The following PDZRN4 variants were observed in gnomAD, a reference collection of about 807,000 sequenced individuals.
PDZRN4 encodes PDZ domain-containing RING finger protein 4.
A neutral mutation model predicts 99.0 loss-of-function variants in PDZRN4; 70 were observed. That is an observed-to-expected ratio of 0.71 (90% CI 0.58 to 0.86). PDZRN4 has a LOEUF of 0.86. Ranked by LOEUF, PDZRN4 falls within the 40% of genes least tolerant of loss-of-function variation. PDZRN4 has a pLI of 0.00. For missense variants in PDZRN4, 1,474 were observed against 1,331.2 expected (o/e 1.11, Z -1.67); for synonymous variants, 551 against 501.6 (o/e 1.10, Z -1.32).
At chr12:41,358,894 T>C (rs949783760) in intron 3 of PDZRN4, among the ~76,000 whole-genome samples, 7 of 152,034 alleles carry the variant, frequency 4.6e-5, no homozygotes, top group African/African-American at 1.7e-4. Context: ...TTATTTTTTC[T>C]ACTGGGTTCC....
intron 3 of PDZRN4, among the ~76,000 whole-genome samples, chr12:41,382,311 ACCACAGGCTCTG>A (rs1952133791): frequency 6.6e-6 from 1 of 152,082 alleles, no homozygotes; most frequent in Non-Finnish European, 1.5e-5. Flanking sequence ...ATTGGGTGAG[ACCACAGGCTCTG>A]CCCTGTGTTT....
At position 41,188,376 on chromosome 12, in the gene PDZRN4, CG is replaced by C. The variant is rs1950707284; in HGVS notation, c.-75del. On this transcript the variant is annotated 5_prime_UTR_variant, in exon 1 of 10. Coordinates refer to ENST00000402685, the MANE Select transcript of PDZRN4 (RefSeq NM_001164595.2). ...TGCCGCCGCCGCGAGACGGCTGCCC[CG>C]GGGGTGGCCCGGGGAAGGCAGGGGG... is the stretch of plus-strand genomic sequence containing the variant. 3.0e-6 allele frequency: 4 copies of C among 1,352,174 alleles called. No individual in the cohort carries two copies. Among genetic ancestry groups the C allele is most frequent in the Middle Eastern group, 2.4e-4 (1 of 4,220 alleles). The allele number at this position is 1,352,174 out of a possible 1,614,324, so 83.8% of individuals were successfully genotyped here.
chr12:41,419,409 C>G (rs1952472397), intron 3 of PDZRN4, among the ~76,000 whole-genome samples: 1 of 152,144 alleles, frequency 6.6e-6, no homozygotes, highest in Non-Finnish European at 1.5e-5. Flanking sequence ...CCAAGTGCCC[C>G]TCAGACAGCT....
At chr12:41,253,261 A>ATGT (rs1265712140) in intron 3 of PDZRN4, among the ~76,000 whole-genome samples, 1 of 152,122 alleles carries the variant, frequency 6.6e-6, no homozygotes, top group East Asian at 1.9e-4. Flanking sequence ...ATATCCTGAA[A>ATGT]TGTTTCTCCC....
chr12:41,506,880 T>G (rs553200530), intron 4 of PDZRN4, among the ~76,000 whole-genome samples, 168 bp downstream of exon 4: 1 of 152,270 alleles, frequency 6.6e-6, no homozygotes, highest in Non-Finnish European at 1.5e-5. Flanking sequence ...TAGTTCTCAG[T>G]GGTCCCTGCT....
rs145702838 is a variant in PDZRN4 at position 41,277,961 on chromosome 12, G to A, written c.843+83773G>A. Among the ~76,000 whole-genome samples the A allele has an allele frequency of 8.1e-4, 123 of 152,214 alleles. 3 individuals are homozygous for A. Among genetic ancestry groups the A allele is most frequent in the African/African-American group, 2.8e-3 (117 of 41,530 alleles). On this transcript the variant is annotated intron_variant, in intron 3 of 9. Coordinates refer to ENST00000402685, the MANE Select transcript of PDZRN4 (RefSeq NM_001164595.2). ...ATATTAGTTAGACATTTTAGTCCTCGGCAAAGAATTTAAGGCTAATGGCCT... is the reference window on the plus strand; with the variant it reads ...ATATTAGTTAGACATTTTAGTCCTCAGCAAAGAATTTAAGGCTAATGGCCT...
At chr12:41,202,409 C>T (rs1794988943) in intron 3 of PDZRN4, among the ~76,000 whole-genome samples, 1 of 152,024 alleles carries the variant, frequency 6.6e-6, no homozygotes, top group African/African-American at 2.4e-5. Context: ...TGGAAACTTT[C>T]CCAGTCTTTT....
At chr12:41,226,093 T>C (rs1950992665) in intron 3 of PDZRN4, among the ~76,000 whole-genome samples, 1 of 151,976 alleles carries the variant, frequency 6.6e-6, no homozygotes, top group South Asian at 2.1e-4. Flanking sequence ...ATTTTTTTTT[T>C]AACACAAAGC....
intron 3 of PDZRN4, among the ~76,000 whole-genome samples, chr12:41,343,979 T>A (rs556509744): frequency 6.6e-6 from 1 of 152,212 alleles, no homozygotes; most frequent in South Asian, 2.1e-4. Context: ...TATCATAAAA[T>A]GTAATTATGT....
At chr12:41,477,793 G>C (rs140742302) in intron 3 of PDZRN4, 1 of 842,082 alleles carries the variant, frequency 1.2e-6, no homozygotes, top group Non-Finnish European at 1.9e-6. Context: ...GCCCACAGGC[G>C]CCTTTACCAT....
At position 41,188,559 on chromosome 12, in the gene PDZRN4, A is replaced by C. The variant is rs1450850853; in HGVS notation, c.104A>C (p.His35Pro). ...LEEPLCTPCGHVFCASCLLPW... is the reference protein window; with the variant it reads ...LEEPLCTPCGPVFCASCLLPW... ...GAGCCCCTGTGCACGCCGTGCGGGCACGTCTTCTGCGCCAGCTGCCTGTTG... is the reference window on the plus strand; with the variant it reads ...GAGCCCCTGTGCACGCCGTGCGGGCCCGTCTTCTGCGCCAGCTGCCTGTTG... The change falls in exon 1 of 10, where the codon CAC becomes CCC. Residue 35 changes from histidine (H) to proline (P), a missense_variant. His to Pro is a moderately conservative substitution (Grantham distance 77). Transcript: ENST00000402685. 1 of 1,554,722 alleles carries C rather than the reference A, an allele frequency of 6.4e-7. No homozygotes were observed. Among genetic ancestry groups the C allele is most frequent in the East Asian group, 2.4e-5 (1 of 41,940 alleles).
intron 3 of PDZRN4, among the ~76,000 whole-genome samples, chr12:41,227,894 C>A (rs1000234261): frequency 3.3e-5 from 5 of 151,004 alleles, no homozygotes; most frequent in African/African-American, 1.2e-4. Context: ...CACACACACA[C>A]ACACACACAC....
At chr12:41,201,880 A>C (rs56663370) in intron 3 of PDZRN4, among the ~76,000 whole-genome samples, 1,897 of 152,250 alleles carry the variant, frequency 0.012, 47 homozygotes, top group African/African-American at 0.043. Flanking sequence ...TCTACAAGGC[A>C]ATGTTTCAAA....
intron 3 of PDZRN4, among the ~76,000 whole-genome samples, chr12:41,202,336 C>T (rs189881385): frequency 1.9e-3 from 282 of 152,148 alleles, no homozygotes; most frequent in Non-Finnish European, 2.9e-3. Flanking sequence ...GGAGGTTGTG[C>T]TTTCGTAAGT....
chr12:41,546,932 G>C (rs942953029), intron 5 of PDZRN4, among the ~76,000 whole-genome samples: 2 of 152,172 alleles, frequency 1.3e-5, no homozygotes, highest in African/African-American at 4.8e-5. Flanking sequence ...TTTTGATGGA[G>C]ATCTCCCAAA....
chr12:41,331,370 T>C (rs73124825), intron 3 of PDZRN4, among the ~76,000 whole-genome samples: 1 of 152,210 alleles, frequency 6.6e-6, no homozygotes, highest in Non-Finnish European at 1.5e-5. Context: ...CACATAAACC[T>C]AGAAACAATT....
intron 3 of PDZRN4, among the ~76,000 whole-genome samples, chr12:41,406,854 G>A (rs1427450689): frequency 1.2e-3 from 128 of 106,538 alleles, no homozygotes; most frequent in African/African-American, 4.0e-3. Context: ...GTGAAACTCC[G>A]TCTCAAAAAA....
chr12:41,502,362 C>A (rs900434135), intron 3 of PDZRN4, among the ~76,000 whole-genome samples: 3 of 152,150 alleles, frequency 2.0e-5, no homozygotes, highest in African/African-American at 4.8e-5. Flanking sequence ...CCTATCCTCT[C>A]AATCATTCGA....
chr12:41,257,598 T>A (rs1951211952), intron 3 of PDZRN4, among the ~76,000 whole-genome samples: 1 of 152,006 alleles, frequency 6.6e-6, no homozygotes, highest in Non-Finnish European at 1.5e-5. Flanking sequence ...TAACGGCCAG[T>A]GGAAGTGCAG....
Sources: gnomAD v4.1 joint callset for allele counts (sites outside exome capture counted in the v4.1 genomes callset) on GRCh38, gnomAD v4.1.1 for gene constraint, MANE v1.5 for transcripts, NCBI Gene and HGNC (gene_info 2026-07-23, HGNC 2026-07-21) for gene names.